Variants in DLG2 observed in about 807,000 individuals in gnomAD.
DLG2 encodes discs large MAGUK scaffold protein 2, also known as disks large homolog 2.
A neutral mutation model predicts 132.5 loss-of-function variants in DLG2; 45 were observed. The observed-to-expected ratio is 0.34, with a 90% CI of 0.27 to 0.44. The LOEUF (loss-of-function observed/expected upper bound fraction) is 0.44. Ranked by LOEUF, DLG2 falls within the 20% of genes least tolerant of loss-of-function variation. DLG2 has a pLI of 1.00. For missense variants in DLG2, 1,045 were observed against 1,196.9 expected, an observed-to-expected ratio of 0.87 and a Z score of 1.87; for synonymous variants, 424 against 419.6, an observed-to-expected ratio of 1.01 and a Z score of -0.13.
At chr11:85,095,548 C>G (rs1420224180) in intron 6 of DLG2, among the ~76,000 whole-genome samples, 1 of 150,752 alleles carries the variant, frequency 6.6e-6, no homozygotes, top group Non-Finnish European at 1.5e-5. Flanking sequence ...ATTTTTCACT[C>G]TGAAAAAAAA....
At chr11:84,875,019 C>CAAAAA (rs563276131) in intron 6 of DLG2, among the ~76,000 whole-genome samples, 1 of 59,896 alleles carries the variant, frequency 1.7e-5, no homozygotes, top group African/African-American at 5.2e-5. Flanking sequence ...TACTTCATCT[C>CAAAAA]AAAAAAAAAA....
At chr11:84,426,501 G>C (rs943417576) in intron 7 of DLG2, among the ~76,000 whole-genome samples, 15 of 152,018 alleles carry the variant, frequency 9.9e-5, no homozygotes, top group Non-Finnish European at 1.5e-5. Context: ...GTAAAAATGT[G>C]GATATAATAG....
At chr11:83,921,528 T>TA (rs1426175038) in intron 15 of DLG2, among the ~76,000 whole-genome samples, 2 of 152,156 alleles carry the variant, frequency 1.3e-5, no homozygotes, top group African/African-American at 4.8e-5. Flanking sequence ...GAATAGCGCA[T>TA]AGCACCTAAG....
chr11:84,587,507 CTTTAA>C (rs2099532561), intron 6 of DLG2, among the ~76,000 whole-genome samples: 2 of 152,074 alleles, frequency 1.3e-5, no homozygotes, highest in South Asian at 4.1e-4. Flanking sequence ...TCTGTCATGA[CTTTAA>C]TTTTTTTCTC....
chr11:84,141,940 C>G (rs1026935871), intron 9 of DLG2, among the ~76,000 whole-genome samples: 11 of 152,016 alleles, frequency 7.2e-5, no homozygotes, highest in African/African-American at 2.7e-4. Flanking sequence ...GTATATTTAA[C>G]TTTTTTGTTG....
chr11:84,489,692 T>G (rs565125616), intron 7 of DLG2, among the ~76,000 whole-genome samples: 4 of 152,226 alleles, frequency 2.6e-5, no homozygotes, highest in Admixed American at 6.5e-5. Flanking sequence ...ATTCCTTCTT[T>G]CTAGATTGAT....
intron 6 of DLG2, among the ~76,000 whole-genome samples, chr11:84,612,319 G>A (rs772726406): frequency 4.0e-5 from 6 of 151,382 alleles, no homozygotes; most frequent in Non-Finnish European, 8.8e-5. Flanking sequence ...TTTTTTTTCA[G>A]TAGAACCTGT....
At chr11:84,767,080 T>A (rs930354050) in intron 6 of DLG2, among the ~76,000 whole-genome samples, 16 of 152,074 alleles carry the variant, frequency 1.1e-4, no homozygotes, top group Non-Finnish European at 4.4e-5. Context: ...AGTTTTCTTA[T>A]CTTTAAAAGA....
chr11:83,504,791 T>C (rs1051063386), intron 21 of DLG2, among the ~76,000 whole-genome samples: 16 of 152,174 alleles, frequency 1.1e-4, no homozygotes, highest in Non-Finnish European at 2.9e-5. Flanking sequence ...GGAGAAACAG[T>C]ACCATATATT....
chr11:83,602,085 A>C (rs2153378427), intron 19 of DLG2, among the ~76,000 whole-genome samples: 1 of 152,312 alleles, frequency 6.6e-6, no homozygotes, highest in South Asian at 2.1e-4. Flanking sequence ...AGTGGGAATA[A>C]ATCATGGACA....
intron 7 of DLG2, among the ~76,000 whole-genome samples, chr11:84,362,817 T>C (rs1279244845): frequency 6.6e-6 from 1 of 152,200 alleles, no homozygotes; most frequent in Non-Finnish European, 1.5e-5. Context: ...ATTTCATCCA[T>C]GCCCCTACAA....
intron 4 of DLG2, among the ~76,000 whole-genome samples, chr11:85,233,140 G>T (rs886456111): frequency 1.3e-5 from 2 of 151,682 alleles, no homozygotes; most frequent in Non-Finnish European, 2.9e-5. Flanking sequence ...TTCTGCATGG[G>T]AATTCCTTTT....
chr11:84,195,330 AT>A (rs370234697), intron 8 of DLG2, among the ~76,000 whole-genome samples: 12 of 151,414 alleles, frequency 7.9e-5, no homozygotes, highest in Admixed American at 4.6e-4. Flanking sequence ...CGTCCAGGTA[AT>A]TTTTTTTTAT....
intron 4 of DLG2, among the ~76,000 whole-genome samples, chr11:85,206,182 C>T (rs905165728): frequency 3.9e-5 from 6 of 152,100 alleles, no homozygotes; most frequent in Non-Finnish European, 5.9e-5. Context: ...GCTCCCCCTT[C>T]GCCTTCTGCC....
chr11:84,777,215 A>G (rs1444393840), intron 6 of DLG2, among the ~76,000 whole-genome samples: 1 of 131,338 alleles, frequency 7.6e-6, no homozygotes, highest in Non-Finnish European at 1.6e-5. Flanking sequence ...TTGCTGCAAA[A>G]GATGTAATTT....
chr11:83,501,180 TA>T (rs1229603506), intron 21 of DLG2, among the ~76,000 whole-genome samples: 1 of 151,234 alleles, frequency 6.6e-6, no homozygotes, highest in Non-Finnish European at 1.5e-5. Context: ...TCTTGATTTC[TA>T]TTTTTTTCTG....
intron 6 of DLG2, among the ~76,000 whole-genome samples, chr11:84,671,577 A>C (rs1421159069): frequency 1.3e-5 from 2 of 152,278 alleles, no homozygotes; most frequent in Middle Eastern, 3.4e-3. Flanking sequence ...TGTTCCTGTT[A>C]AACAGAATGA....
chr11:84,853,828 G>A (rs562151492), intron 6 of DLG2, among the ~76,000 whole-genome samples: 6 of 152,100 alleles, frequency 3.9e-5, no homozygotes, highest in African/African-American at 1.4e-4. Flanking sequence ...CTGAAATTTG[G>A]TTATCTGAGG....
intron 3 of DLG2, among the ~76,000 whole-genome samples, chr11:85,546,396 A>C (rs2076326563): frequency 6.6e-6 from 1 of 152,058 alleles, no homozygotes; most frequent in African/African-American, 2.4e-5. Context: ...TTTGCTGAGG[A>C]GTGTTTTACT....
Sources: gnomAD v4.1 joint callset for allele counts (sites outside exome capture counted in the v4.1 genomes callset) on GRCh38, gnomAD v4.1.1 for gene constraint, MANE v1.5 for transcripts, NCBI Gene and HGNC (gene_info 2026-07-23, HGNC 2026-07-21) for gene names.